Variants in CCDC7 observed in about 807,000 individuals in gnomAD.
The protein encoded by CCDC7 is coiled-coil domain containing 7, also known as coiled-coil domain-containing protein 7.
CCDC7 carries 183 observed loss-of-function variants against 196.9 expected under a neutral mutation model. The ratio of observed to expected loss-of-function variants is 0.93; its 90% CI spans 0.82 to 1.05. The LOEUF (loss-of-function observed/expected upper bound fraction) is 1.05, where lower values mean the gene tolerates loss of function less well. CCDC7 is among the 50% of genes least tolerant of loss of function. CCDC7 has a pLI of 0.00. For synonymous variants in CCDC7, 525 were observed against 484.6 expected, an observed-to-expected ratio of 1.08 and a Z score of -1.10; for missense variants, 1,540 against 1,482.2, an observed-to-expected ratio of 1.04 and a Z score of -0.64.
intron 5 of CCDC7, among the ~76,000 whole-genome samples, chr10:32,464,122 T>G (rs567326393): frequency 6.6e-6 from 1 of 152,306 alleles, no homozygotes; most frequent in East Asian, 1.9e-4. Flanking sequence ...AAACCCTGGC[T>G]TCTCACTTTC....
intron 24 of CCDC7, among the ~76,000 whole-genome samples, chr10:32,703,022 G>T (rs2079028279): frequency 1.3e-5 from 2 of 152,056 alleles, no homozygotes; most frequent in African/African-American, 2.4e-5. Flanking sequence ...TACATTTAAG[G>T]TTAATATTGT....
intron 20 of CCDC7, among the ~76,000 whole-genome samples, chr10:32,639,291 G>C (rs2066267488): frequency 6.6e-6 from 1 of 152,004 alleles, no homozygotes; most frequent in African/African-American, 2.4e-5. Context: ...GAATGTGTTT[G>C]CTGTTGCTTC....
At chr10:32,762,002 CCTACACATTGGGAAA>C (rs1457630385) in intron 28 of CCDC7, among the ~76,000 whole-genome samples, 6 of 151,934 alleles carry the variant, frequency 3.9e-5, no homozygotes, top group Admixed American at 1.3e-4. Context: ...TTGAGCGACT[CCTACACATTGGGAAA>C]CTGAAAAAAT....
At chr10:32,683,330 C>G (rs923207104) in intron 21 of CCDC7, among the ~76,000 whole-genome samples, 11 of 152,158 alleles carry the variant, frequency 7.2e-5, no homozygotes, top group Non-Finnish European at 1.5e-4. Context: ...CCTGAGTTCT[C>G]TAACCCATTT....
chr10:32,737,262 C>T (rs948932082), intron 28 of CCDC7, among the ~76,000 whole-genome samples: 1 of 152,038 alleles, frequency 6.6e-6, no homozygotes, highest in Non-Finnish European at 1.5e-5. Flanking sequence ...AATTTGCTAA[C>T]AATTTGTTGA....
chr10:32,828,102 C>G (rs1443472462), intron 32 of CCDC7, among the ~76,000 whole-genome samples: 3 of 152,180 alleles, frequency 2.0e-5, no homozygotes, highest in Admixed American at 2.0e-4. Context: ...AGTCTTTAGA[C>G]AAAGCTTAAC....
chr10:32,706,847 A>T (rs1359488184), intron 24 of CCDC7, among the ~76,000 whole-genome samples: 3 of 152,242 alleles, frequency 2.0e-5, no homozygotes, highest in Non-Finnish European at 4.4e-5. Flanking sequence ...CAACCAAAAA[A>T]GGTCCAGGAC....
At chr10:32,548,883 G>A (rs1221103301) in intron 13 of CCDC7, among the ~76,000 whole-genome samples, 1 of 152,230 alleles carries the variant, frequency 6.6e-6, no homozygotes, top group Non-Finnish European at 1.5e-5. Context: ...GCATGTGCAA[G>A]TATCTTTTTT....
chr10:32,814,003 G>A (rs534669274), intron 30 of CCDC7, among the ~76,000 whole-genome samples: 10 of 151,956 alleles, frequency 6.6e-5, no homozygotes, highest in African/African-American at 2.4e-4. Context: ...GTGTCACCGG[G>A]CTGGAGTGCA....
At chr10:32,550,871 T>C (rs1182274334) in intron 13 of CCDC7, among the ~76,000 whole-genome samples, 1 of 152,144 alleles carries the variant, frequency 6.6e-6, no homozygotes, top group Non-Finnish European at 1.5e-5. Context: ...TTTTTAGTTA[T>C]GTCTTTACCT....
chr10:32,672,467 G>T (rs933602418), intron 21 of CCDC7, among the ~76,000 whole-genome samples: 1 of 152,176 alleles, frequency 6.6e-6, no homozygotes, highest in Admixed American at 6.6e-5. Context: ...TACTTGCAGA[G>T]TGGCTATGTT....
chr10:32,738,152 T>G (rs1341758699), intron 28 of CCDC7, among the ~76,000 whole-genome samples: 3 of 152,212 alleles, frequency 2.0e-5, no homozygotes, highest in Non-Finnish European at 4.4e-5. Flanking sequence ...ATATTTAATA[T>G]GATCCTATAT....
chr10:32,705,035 G>C (rs928573983), intron 24 of CCDC7, among the ~76,000 whole-genome samples: 1 of 152,082 alleles, frequency 6.6e-6, no homozygotes, highest in Admixed American at 6.5e-5. Context: ...CCCACTGTCC[G>C]ACAATGCCCA....
chr10:32,816,826 C>T (rs2088714863), intron 31 of CCDC7, among the ~76,000 whole-genome samples: 2 of 152,116 alleles, frequency 1.3e-5, no homozygotes. Context: ...CACACCAAAA[C>T]CCCATCTATG....
intron 9 of CCDC7, among the ~76,000 whole-genome samples, chr10:32,510,680 A>G (rs1190194688): frequency 6.6e-6 from 1 of 152,156 alleles, no homozygotes; most frequent in Non-Finnish European, 1.5e-5. Context: ...GCCAAAATTC[A>G]TCCATCAACA....
At chr10:32,648,107 T>C (rs2068091263) in intron 20 of CCDC7, among the ~76,000 whole-genome samples, 1 of 152,236 alleles carries the variant, frequency 6.6e-6, no homozygotes, top group Non-Finnish European at 1.5e-5. Flanking sequence ...TTGCTTGTTT[T>C]TGTTGGTCTT....
At chr10:32,580,648 T>G (rs2058650446) in intron 16 of CCDC7, among the ~76,000 whole-genome samples, 1 of 152,100 alleles carries the variant, frequency 6.6e-6, no homozygotes, top group African/African-American at 2.4e-5. Flanking sequence ...TGTTGTATTG[T>G]TGCAGATAAG....
intron 39 of CCDC7, among the ~76,000 whole-genome samples, chr10:32,850,070 TAAGGA>T (rs2093488639): frequency 6.6e-6 from 1 of 152,132 alleles, no homozygotes; most frequent in Non-Finnish European, 1.5e-5. Context: ...ACTTTTGGGA[TAAGGA>T]AACAATACCA....
intron 32 of CCDC7, among the ~76,000 whole-genome samples, chr10:32,828,950 C>T (rs1044489791): frequency 6.6e-6 from 1 of 152,104 alleles, no homozygotes; most frequent in Non-Finnish European, 1.5e-5. Context: ...GACACAACAA[C>T]AATTCAATTA....
Sources: allele counts gnomAD v4.1 joint callset (sites outside exome capture counted in the v4.1 genomes callset), GRCh38; gene constraint gnomAD v4.1.1; transcripts MANE v1.5; gene names NCBI Gene and HGNC (gene_info 2026-07-23, HGNC 2026-07-21).